Variants in GRM1 observed in about 807,000 individuals in gnomAD.
GRM1 encodes glutamate metabotropic receptor 1.
In GRM1, 33 loss-of-function variants were observed where a neutral mutation model predicts 90.9. The ratio of observed to expected loss-of-function variants is 0.36; its 90% CI spans 0.28 to 0.49. The LOEUF (loss-of-function observed/expected upper bound fraction) is 0.49, where lower values mean the gene tolerates loss of function less well. Ranked by LOEUF, GRM1 falls within the 20% of genes least tolerant of loss-of-function variation. The pLI, the probability that GRM1 is intolerant of heterozygous loss-of-function variation, is 0.99. For synonymous variants in GRM1, 700 were observed against 613.2 expected (o/e 1.14, Z -2.09); for missense variants, 1,190 against 1,534.3 (o/e 0.78, Z 3.75).
At chr6:146,028,360 G>A (rs1790574592), upstream of GRM1, among the ~76,000 whole-genome samples, 1 of 151,800 alleles carries the variant, frequency 6.6e-6, no homozygotes, top group African/African-American at 2.4e-5. Flanking sequence ...AGCGTCCCTT[G>A]CAGGCCCTGC....
intron 2 of GRM1, among the ~76,000 whole-genome samples, chr6:146,160,649 A>G (rs1287613765): frequency 2.0e-5 from 3 of 152,162 alleles, no homozygotes; most frequent in Non-Finnish European, 4.4e-5. Context: ...ACTGGTGTGG[A>G]CATGCTCACT....
chr6:146,143,872 C>T (rs912824880), intron 1 of GRM1, among the ~76,000 whole-genome samples: 29 of 152,166 alleles, frequency 1.9e-4, no homozygotes, highest in Non-Finnish European at 2.9e-4. Flanking sequence ...TTTCCTAGTA[C>T]AAACCCTGTA....
intron 2 of GRM1, among the ~76,000 whole-genome samples, chr6:146,252,793 G>A (rs1781343469): frequency 6.6e-6 from 1 of 152,060 alleles, no homozygotes. Context: ...TGGGCGCAGT[G>A]GCTCACATCT....
At chr6:146,280,375 A>G (rs1157845294) in intron 2 of GRM1, among the ~76,000 whole-genome samples, 3 of 152,210 alleles carry the variant, frequency 2.0e-5, no homozygotes, top group Non-Finnish European at 2.9e-5. Context: ...AACTTAACAC[A>G]TGATGACTAT....
chr6:146,128,554 G>A (rs560456639), intron 1 of GRM1, among the ~76,000 whole-genome samples: 4 of 152,108 alleles, frequency 2.6e-5, no homozygotes, highest in African/African-American at 7.2e-5. Context: ...TTAATCCTTC[G>A]CAGCAGTTAT....
At chr6:146,116,845 T>G (rs1210165415) in intron 1 of GRM1, among the ~76,000 whole-genome samples, 1 of 152,016 alleles carries the variant, frequency 6.6e-6, no homozygotes, top group Non-Finnish European at 1.5e-5. Context: ...TACATTATTT[T>G]TTGTACCATA....
At chr6:146,241,669 C>T (rs1780869919) in intron 2 of GRM1, among the ~76,000 whole-genome samples, 1 of 152,116 alleles carries the variant, frequency 6.6e-6, no homozygotes. Flanking sequence ...TGATTCTCCA[C>T]CAGCTTTCAG....
intron 2 of GRM1, among the ~76,000 whole-genome samples, chr6:146,257,124 A>G (rs1003232511): frequency 6.6e-6 from 1 of 152,134 alleles, no homozygotes; most frequent in African/African-American, 2.4e-5. Context: ...GGCCTTCTCT[A>G]TCCCCATTCT....
At chr6:146,409,705 A>T (rs1046905245) in intron 7 of GRM1, among the ~76,000 whole-genome samples, 2 of 152,200 alleles carry the variant, frequency 1.3e-5, no homozygotes, top group African/African-American at 4.8e-5. Flanking sequence ...AAAAAAAGAA[A>T]ATCAGTGAGT....
At chr6:146,181,852 T>G (rs1346273661) in intron 2 of GRM1, among the ~76,000 whole-genome samples, 1 of 152,152 alleles carries the variant, frequency 6.6e-6, no homozygotes, top group Non-Finnish European at 1.5e-5. Flanking sequence ...GTAATCATTT[T>G]TCAATAAGAT....
At chr6:146,431,790 G>A (rs1778418042) in intron 7 of GRM1, among the ~76,000 whole-genome samples, 1 of 152,120 alleles carries the variant, frequency 6.6e-6, no homozygotes, top group Admixed American at 6.5e-5. Context: ...ATATAGTAAG[G>A]CATACTTAAG....
At chr6:146,051,850 A>G (rs1315710439) in intron 1 of GRM1, among the ~76,000 whole-genome samples, 6 of 152,088 alleles carry the variant, frequency 3.9e-5, no homozygotes, top group Admixed American at 3.9e-4. Flanking sequence ...CTTGGTTTAT[A>G]TAAACTAATG....
chr6:146,053,784 T>A (rs1248772824), intron 1 of GRM1, among the ~76,000 whole-genome samples: 1 of 152,196 alleles, frequency 6.6e-6, no homozygotes, highest in African/African-American at 2.4e-5. Flanking sequence ...CCTTCCTCCT[T>A]AGGTAATTCT....
At chr6:146,051,811 C>T (rs60988683) in intron 1 of GRM1, among the ~76,000 whole-genome samples, 3,249 of 152,160 alleles carry the variant, frequency 0.021, 110 homozygotes, top group African/African-American at 0.074. Flanking sequence ...ATCATCACTA[C>T]TGTTTCCCAA....
intron 6 of GRM1, among the ~76,000 whole-genome samples, chr6:146,397,494 A>G (rs891004444): frequency 1.3e-5 from 2 of 150,812 alleles, no homozygotes; most frequent in Non-Finnish European, 3.0e-5. Flanking sequence ...GAAAAAAAAA[A>G]AAAAAAAAAA....
intron 2 of GRM1, among the ~76,000 whole-genome samples, chr6:146,292,971 T>C (rs1783041817): frequency 6.6e-6 from 1 of 151,930 alleles, no homozygotes; most frequent in South Asian, 2.1e-4. Context: ...CACCACAAAA[T>C]GGATAAATCT....
At position 146,050,564 on chromosome 6, in the gene GRM1, G is replaced by C. The variant is rs1330659199; in HGVS notation, c.700+20347G>C. ...CATATCCATATTTCTAAAAACAAGG[G>C]ATATTTTTAAGAGGGGGGAGGGGAA... is the stretch of plus-strand genomic sequence containing the variant. On this transcript the variant is annotated intron_variant, in intron 1 of 7. Transcript: ENST00000282753. 3.3e-5 allele frequency among the ~76,000 whole-genome samples: 5 copies of C among 151,982 alleles called. No homozygotes were observed. The East Asian group carries it at 9.7e-4, about 29-fold the overall frequency.
chr6:146,426,529 A>T, intron 7 of GRM1: 1 of 1,600,028 alleles, frequency 6.2e-7, no homozygotes, highest in Admixed American at 1.7e-5. Context: ...CCCCTCGCTC[A>T]CTGGGTGTCT....
At chr6:146,353,982 C>T (rs183019097) in intron 4 of GRM1, among the ~76,000 whole-genome samples, 5 of 152,136 alleles carry the variant, frequency 3.3e-5, no homozygotes, top group African/African-American at 1.2e-4. Context: ...ACTGTTTGAC[C>T]CTAAGTAAGT....
Sources: gnomAD v4.1 joint callset for allele counts (sites outside exome capture counted in the v4.1 genomes callset) on GRCh38, gnomAD v4.1.1 for gene constraint, MANE v1.5 for transcripts, NCBI Gene and HGNC (gene_info 2026-07-23, HGNC 2026-07-21) for gene names.